Variants in VAC14 observed in about 807,000 individuals in gnomAD.
VAC14 encodes the protein VAC14 component of PIKFYVE complex, also known as protein VAC14 homolog.
Under a neutral mutation model 85.3 loss-of-function variants are expected in VAC14, and 47 were observed. That is an observed-to-expected ratio of 0.55 (90% CI 0.44 to 0.70). VAC14 has a LOEUF of 0.70. Among genes scored for constraint, VAC14 ranks in the 30% least tolerant of loss-of-function variants. The pLI is 0.00. For missense variants in VAC14, 861 were observed against 1,004.3 expected, an observed-to-expected ratio of 0.86 and a Z score of 1.93; for synonymous variants, 447 against 430.5, an observed-to-expected ratio of 1.04 and a Z score of -0.47.
At chr16:70,789,725 T>C (rs905888280) in intron 1 of VAC14, among the ~76,000 whole-genome samples, 2 of 152,206 alleles carry the variant, frequency 1.3e-5, no homozygotes, top group Non-Finnish European at 2.9e-5. Context: ...TTTCCTAAAT[T>C]CTGCAAAGAT....
chr16:70,745,361 G>A (rs1286107960), intron 12 of VAC14, among the ~76,000 whole-genome samples: 2 of 152,158 alleles, frequency 1.3e-5, no homozygotes, highest in East Asian at 1.9e-4. Context: ...GCCTCTCCTC[G>A]CACAGCACCC....
intron 14 of VAC14, among the ~76,000 whole-genome samples, chr16:70,731,049 G>A (rs1419907290): frequency 1.3e-5 from 2 of 152,180 alleles, no homozygotes; most frequent in African/African-American, 2.4e-5. Flanking sequence ...AGCCTCTGGG[G>A]CTGGTGCCCT....
At chr16:70,702,526 G>A (rs1360834660) in intron 14 of VAC14, among the ~76,000 whole-genome samples, 1 of 152,186 alleles carries the variant, frequency 6.6e-6, no homozygotes, top group Non-Finnish European at 1.5e-5. Flanking sequence ...GGCTGGCAGC[G>A]GAGGGGCCTC....
intron 8 of VAC14, 147 bp from the exon 9 acceptor site, chr16:70,781,086 G>A: frequency 9.1e-7 from 1 of 1,102,122 alleles, no homozygotes; most frequent in Non-Finnish European, 1.3e-6. Flanking sequence ...ATGGCTTGGT[G>A]CCCTCCCCAT....
At chr16:70,793,034 C>T (rs1317076094) in intron 1 of VAC14, among the ~76,000 whole-genome samples, 1 of 152,220 alleles carries the variant, frequency 6.6e-6, no homozygotes, top group African/African-American at 2.4e-5. Context: ...ACAGTCCCTC[C>T]CTCCCATCTC....
chr16:70,699,072 C>T (rs1054217093), intron 14 of VAC14, among the ~76,000 whole-genome samples: 9 of 152,172 alleles, frequency 5.9e-5, no homozygotes, highest in African/African-American at 9.6e-5. Flanking sequence ...ATTAATCTCC[C>T]GGCACAAGAG....
At position 70,780,873 on chromosome 16, in the gene VAC14, T is replaced by A; in HGVS notation, c.1013A>T (p.Glu338Val). ...CTGCCCAGGTCTCAGCTCATCCAGCTCGTCGTCCTCGGGGGTGACCAGCTT... is the reference window on the plus strand; with the variant it reads ...CTGCCCAGGTCTCAGCTCATCCAGCACGTCGTCCTCGGGGGTGACCAGCTT... ...LMKLVTPEDD[E>V]LDELRPGQRQ... is the part of the protein sequence containing the mutation. Residue 338 changes from glutamate to valine, a missense_variant, in exon 9 of 19, where the codon GAG (glutamate) becomes GTG (valine). Physicochemically the swap from Glu to Val is moderately radical, Grantham distance 121. Transcript: ENST00000261776. The A allele has an allele frequency of 6.2e-7, 1 of 1,614,184 alleles. No individual in the cohort carries two copies. The highest frequency in any genetic ancestry group is 8.5e-7 in the Non-Finnish European group (1 of 1,180,024).
At chr16:70,739,398 T>C (rs915431216) in intron 13 of VAC14, among the ~76,000 whole-genome samples, 5 of 152,270 alleles carry the variant, frequency 3.3e-5, no homozygotes, top group East Asian at 3.9e-4. Flanking sequence ...AAATGAGGCA[T>C]TGCCGTGGCC....
intron 9 of VAC14, among the ~76,000 whole-genome samples, chr16:70,776,267 A>C (rs759683569): frequency 2.6e-5 from 4 of 152,020 alleles, no homozygotes; most frequent in Non-Finnish European, 5.9e-5. Context: ...CGCCCAGCTA[A>C]TTTTTTAAAA....
intron 10 of VAC14, chr16:70,768,546 C>T (rs775870277): frequency 2.3e-5 from 7 of 305,456 alleles, no homozygotes; most frequent in Non-Finnish European, 3.8e-5. Flanking sequence ...CTACAGCCAC[C>T]TCACCACCTG....
At chr16:70,731,297 T>C (rs2054582218) in intron 14 of VAC14, 198 bp downstream of exon 14, 2 of 1,410,462 alleles carry the variant, frequency 1.4e-6, no homozygotes, top group East Asian at 2.4e-5. Flanking sequence ...ACATCAACAC[T>C]GACCTGTCTG....
At chr16:70,703,810 C>T (rs1028012323) in intron 14 of VAC14, among the ~76,000 whole-genome samples, 3 of 152,120 alleles carry the variant, frequency 2.0e-5, no homozygotes, top group South Asian at 2.1e-4. Context: ...GCAGAGGGGG[C>T]GGTCACTTAG....
intron 12 of VAC14, among the ~76,000 whole-genome samples, chr16:70,755,846 G>A (rs1461429491): frequency 6.6e-6 from 1 of 152,228 alleles, no homozygotes; most frequent in Admixed American, 6.5e-5. Context: ...GGCAGTAACA[G>A]CTCCTCTCTT....
At chr16:70,785,575 T>G in intron 3 of VAC14, 127 bp downstream of exon 3, 1 of 1,105,856 alleles carries the variant, frequency 9.0e-7, no homozygotes, top group Admixed American at 2.9e-5. Context: ...AGACAGTAAG[T>G]GTCCCTTGCA....
chr16:70,727,467 G>C (rs1442008212), intron 14 of VAC14, among the ~76,000 whole-genome samples: 2 of 152,204 alleles, frequency 1.3e-5, no homozygotes, highest in Admixed American at 6.5e-5. Context: ...AGTCTACCGA[G>C]TAGCTGGGAT....
intron 13 of VAC14, among the ~76,000 whole-genome samples, chr16:70,742,931 C>T (rs1394455716): frequency 6.6e-6 from 1 of 152,222 alleles, no homozygotes; most frequent in Non-Finnish European, 1.5e-5. Context: ...GGATTGTAAA[C>T]ACACCAATCA....
intron 12 of VAC14, among the ~76,000 whole-genome samples, chr16:70,758,600 T>G (rs1416770919): frequency 6.6e-6 from 1 of 151,996 alleles, no homozygotes; most frequent in Non-Finnish European, 1.5e-5. Context: ...TACTCACAGG[T>G]GGGGGTATGG....
At chr16:70,767,947 C>G (rs1265647100) in intron 10 of VAC14, among the ~76,000 whole-genome samples, 1 of 152,140 alleles carries the variant, frequency 6.6e-6, no homozygotes, top group South Asian at 2.1e-4. Flanking sequence ...TGCAGTGGTA[C>G]AATCATGACT....
chr16:70,698,908 G>A (rs1361191830), intron 14 of VAC14, 97 bp from the exon 15 acceptor site: 13 of 1,281,674 alleles, frequency 1.0e-5, no homozygotes, highest in Non-Finnish European at 1.2e-5. Flanking sequence ...AGCGTCCTGG[G>A]GAAACTGCTC....
Sources: gnomAD v4.1 joint callset for allele counts (sites outside exome capture counted in the v4.1 genomes callset) on GRCh38, gnomAD v4.1.1 for gene constraint, MANE v1.5 for transcripts, NCBI Gene and HGNC (gene_info 2026-07-23, HGNC 2026-07-21) for gene names.